The following DAB1 variants were observed in gnomAD, a reference collection of about 807,000 sequenced individuals.
DAB1 encodes the protein DAB adaptor protein 1.
DAB1 carries 15 observed loss-of-function variants against 64.6 expected under a neutral mutation model. The observed-to-expected ratio is 0.23, with a 90% confidence interval of 0.16 to 0.36. The LOEUF (loss-of-function observed/expected upper bound fraction) is 0.36, where lower values mean the gene tolerates loss of function less well. Ranked by LOEUF, DAB1 falls within the 10% of genes least tolerant of loss-of-function variation. The pLI, the probability that DAB1 is intolerant of heterozygous loss-of-function variation, is 1.00. For synonymous variants in DAB1, 235 were observed against 251.9 expected (o/e 0.93, Z 0.64); for missense variants, 596 against 706.7 (o/e 0.84, Z 1.78).
intron 5 of DAB1, among the ~76,000 whole-genome samples, chr1:57,941,872 A>G (rs960250905): frequency 6.6e-6 from 1 of 152,164 alleles, no homozygotes; most frequent in African/African-American, 2.4e-5. Flanking sequence ...GGGTGGTGAA[A>G]AAAAGGTACT....
intron 2 of DAB1, among the ~76,000 whole-genome samples, chr1:57,278,511 A>C (rs1245178722): frequency 6.6e-6 from 1 of 152,224 alleles, no homozygotes; most frequent in Non-Finnish European, 1.5e-5. Context: ...AACAGAAGAA[A>C]GGAATAAGAG....
chr1:57,602,916 T>C (rs946409974), intron 7 of DAB1, among the ~76,000 whole-genome samples: 1 of 152,052 alleles, frequency 6.6e-6, no homozygotes, highest in Non-Finnish European at 1.5e-5. Flanking sequence ...AGAGGGGGCA[T>C]GAGTGCTAGG....
intron 5 of DAB1, among the ~76,000 whole-genome samples, chr1:58,067,834 G>T (rs760508565): frequency 1.3e-5 from 2 of 152,174 alleles, no homozygotes; most frequent in Admixed American, 6.5e-5. Context: ...TACACATGCA[G>T]CTGTTGTATT....
At chr1:58,160,146 C>T (rs757194841) in intron 4 of DAB1, among the ~76,000 whole-genome samples, 13 of 152,080 alleles carry the variant, frequency 8.5e-5, no homozygotes, top group Non-Finnish European at 1.8e-4. Flanking sequence ...GAATCAGGGT[C>T]ACTGTTCCCA....
At chr1:58,166,841 G>A (rs1313271036) in intron 4 of DAB1, among the ~76,000 whole-genome samples, 4 of 147,928 alleles carry the variant, frequency 2.7e-5, no homozygotes, top group African/African-American at 1.0e-4. Flanking sequence ...CGCCCCCCAG[G>A]TTCAAGTGAT....
At chr1:57,937,943 C>T (rs1230485344) in intron 5 of DAB1, among the ~76,000 whole-genome samples, 1 of 152,168 alleles carries the variant, frequency 6.6e-6, no homozygotes, top group Non-Finnish European at 1.5e-5. Context: ...TATCCTTGGG[C>T]CCTGTGCATG....
chr1:57,276,407 T>G (rs1336316682), intron 2 of DAB1, among the ~76,000 whole-genome samples: 2 of 152,256 alleles, frequency 1.3e-5, no homozygotes, highest in Non-Finnish European at 2.9e-5. Flanking sequence ...AATTACTGAT[T>G]ATAAGTAAAT....
intron 14 of DAB1, among the ~76,000 whole-genome samples, chr1:56,998,412 T>A (rs1645715190): frequency 6.6e-6 from 1 of 152,198 alleles, no homozygotes; most frequent in Non-Finnish European, 1.5e-5. Flanking sequence ...AAAAGCTGTG[T>A]CATGTGGACA....
chr1:57,519,013 C>T (rs1644494867), intron 7 of DAB1, among the ~76,000 whole-genome samples: 1 of 152,044 alleles, frequency 6.6e-6, no homozygotes, highest in Non-Finnish European at 1.5e-5. Flanking sequence ...AAAATGTAAG[C>T]CTTGATTTTC....
At chr1:58,184,594 T>C (rs1321083165) in intron 4 of DAB1, among the ~76,000 whole-genome samples, 1 of 152,160 alleles carries the variant, frequency 6.6e-6, no homozygotes, top group Non-Finnish European at 1.5e-5. Context: ...TAGAATCAGC[T>C]AAAATAGTGT....
chr1:57,491,946 T>C (rs1644170811), intron 7 of DAB1, among the ~76,000 whole-genome samples: 1 of 152,162 alleles, frequency 6.6e-6, no homozygotes, highest in Non-Finnish European at 1.5e-5. Context: ...GGAAGGGGCA[T>C]CAGGGACAGC....
At chr1:57,714,037 T>G (rs1051376741) in intron 6 of DAB1, among the ~76,000 whole-genome samples, 3 of 152,088 alleles carry the variant, frequency 2.0e-5, no homozygotes, top group Admixed American at 2.0e-4. Flanking sequence ...ACAACTACAT[T>G]CCAGCCCTCA....
At chr1:57,493,609 G>A (rs988925122) in intron 7 of DAB1, among the ~76,000 whole-genome samples, 2 of 152,140 alleles carry the variant, frequency 1.3e-5, no homozygotes, top group Admixed American at 1.3e-4. Flanking sequence ...TGTATGGATG[G>A]AGCTGTGTAT....
At chr1:58,230,853 C>T (rs565660769) in intron 4 of DAB1, among the ~76,000 whole-genome samples, 2 of 152,298 alleles carry the variant, frequency 1.3e-5, no homozygotes, top group Admixed American at 1.3e-4. Context: ...AACAGCTCTG[C>T]AAGGTAGGAA....
chr1:58,184,064 CAT>C (rs1389994802), intron 4 of DAB1, among the ~76,000 whole-genome samples: 2 of 151,982 alleles, frequency 1.3e-5, no homozygotes, highest in African/African-American at 4.8e-5. Flanking sequence ...CTTGCCCAGC[CAT>C]TATAGAAGAA....
chr1:58,467,185 T>G (rs1645305700), intron 3 of DAB1, among the ~76,000 whole-genome samples: 1 of 152,192 alleles, frequency 6.6e-6, no homozygotes, highest in Non-Finnish European at 1.5e-5. Flanking sequence ...CCCCAAGTTG[T>G]GAGGATAACG....
chr1:58,047,769 C>A, intron 5 of DAB1: 1 of 215,934 alleles, frequency 4.6e-6, no homozygotes. Context: ...ATCTCTCTGC[C>A]TGAGTTGAAA....
intron 5 of DAB1, among the ~76,000 whole-genome samples, chr1:57,916,774 C>T (rs1163659638): frequency 6.6e-6 from 1 of 152,014 alleles, no homozygotes; most frequent in Admixed American, 6.5e-5. Flanking sequence ...CCCTTCTCTA[C>T]TAATAATACA....
At chr1:57,262,069 T>C (rs1012090056) in intron 2 of DAB1, among the ~76,000 whole-genome samples, 1 of 152,156 alleles carries the variant, frequency 6.6e-6, no homozygotes, top group African/African-American at 2.4e-5. Context: ...GATTTCCAGC[T>C]GGTCAACAGG....
Sources: allele counts gnomAD v4.1 joint callset (sites outside exome capture counted in the v4.1 genomes callset), GRCh38; gene constraint gnomAD v4.1.1; transcripts MANE v1.5; gene names NCBI Gene and HGNC (gene_info 2026-07-23, HGNC 2026-07-21).